SRFBP1: variants seen among roughly 807,000 people sequenced by gnomAD.
The protein encoded by SRFBP1 is serum response factor-binding protein 1.
In SRFBP1, 47 loss-of-function variants were observed where a neutral mutation model predicts 45.5. That is an observed-to-expected ratio of 1.03 (90% CI 0.82 to 1.32). The LOEUF is 1.32. Ranked by LOEUF, SRFBP1 falls within the 40% of genes most tolerant of loss-of-function variation. The pLI, the probability that SRFBP1 is intolerant of heterozygous loss-of-function variation, is 0.00. For synonymous variants in SRFBP1, 203 were observed against 166.3 expected, an observed-to-expected ratio of 1.22 and a Z score of -1.70; for missense variants, 621 against 484.6, an observed-to-expected ratio of 1.28 and a Z score of -2.64.
intron 1 of SRFBP1, among the ~76,000 whole-genome samples, chr5:121,970,672 G>A (rs1416235309): frequency 6.6e-6 from 1 of 151,550 alleles, no homozygotes; most frequent in African/African-American, 2.4e-5. Flanking sequence ...CCTGATTACT[G>A]TGCATTTTTA....
chr5:121,997,368 A>G (rs1049933917), intron 4 of SRFBP1, among the ~76,000 whole-genome samples: 23 of 150,724 alleles, frequency 1.5e-4, no homozygotes, highest in African/African-American at 4.9e-4. Flanking sequence ...CCGCATACCT[A>G]TAACTGTCTG....
At chr5:122,012,971 C>T (rs1348110356) in intron 4 of SRFBP1, among the ~76,000 whole-genome samples, 2 of 152,004 alleles carry the variant, frequency 1.3e-5, no homozygotes, top group East Asian at 3.9e-4. Flanking sequence ...CTAGTGTTGC[C>T]TTCTCCCTAG....
chr5:122,000,954 G>C (rs1752853085), intron 4 of SRFBP1, among the ~76,000 whole-genome samples: 1 of 151,990 alleles, frequency 6.6e-6, no homozygotes. Flanking sequence ...CATTCTCTCT[G>C]CCTTCAGGGG....
intron 1 of SRFBP1, 130 bp downstream of exon 1, chr5:121,962,198 C>G: frequency 8.6e-7 from 1 of 1,162,470 alleles, no homozygotes; most frequent in Non-Finnish European, 1.2e-6. Flanking sequence ...GGCGGGTTTC[C>G]CGCAACTTGG....
At chr5:122,016,653 A>T (rs1325937784) in intron 4 of SRFBP1, among the ~76,000 whole-genome samples, 1 of 152,128 alleles carries the variant, frequency 6.6e-6, no homozygotes, top group African/African-American at 2.4e-5. Context: ...AGCATGTTTG[A>T]CCTATGCCTT....
chr5:122,043,033 G>A (rs567314543), intron 2 of SRFBP1, among the ~76,000 whole-genome samples: 1 of 151,978 alleles, frequency 6.6e-6, no homozygotes, highest in East Asian at 1.9e-4. Context: ...ACCAGTTTCT[G>A]TGTTCATCAA....
At chr5:121,965,352 G>T (rs1446066180) in intron 1 of SRFBP1, among the ~76,000 whole-genome samples, 1 of 152,122 alleles carries the variant, frequency 6.6e-6, no homozygotes, top group Non-Finnish European at 1.5e-5. Context: ...AATCCATCTT[G>T]AGTTAATTTT....
At chr5:121,963,647 C>T (rs550359098) in intron 1 of SRFBP1, among the ~76,000 whole-genome samples, 2 of 152,226 alleles carry the variant, frequency 1.3e-5, no homozygotes, top group African/African-American at 4.8e-5. Flanking sequence ...ATTGCTTTCT[C>T]CTCTGGAAAC....
chr5:121,962,188 G>A, intron 1 of SRFBP1, 120 bp downstream of exon 1: 1 of 1,303,852 alleles, frequency 7.7e-7, no homozygotes, highest in Non-Finnish European at 1.1e-6. Context: ...GGTGGGCCCA[G>A]GCGGGTTTCC....
chr5:121,976,509 T>C (rs115182739), intron 3 of SRFBP1, among the ~76,000 whole-genome samples: 3,827 of 151,960 alleles, frequency 0.025, 169 homozygotes, highest in African/African-American at 0.087. Flanking sequence ...AATAAAATCT[T>C]TAGAGATTTT....
At chr5:122,008,131 A>G (rs751151575) in intron 4 of SRFBP1, among the ~76,000 whole-genome samples, 3 of 151,956 alleles carry the variant, frequency 2.0e-5, no homozygotes, top group Non-Finnish European at 4.4e-5. Flanking sequence ...CTAAATGCTG[A>G]GACCACAAGT....
chr5:122,051,289 G>A (rs1375251363), intron 2 of SRFBP1, among the ~76,000 whole-genome samples: 1 of 152,094 alleles, frequency 6.6e-6, no homozygotes, highest in Non-Finnish European at 1.5e-5. Flanking sequence ...CAAGTGTTAA[G>A]TTCAGGCCCT....
intron 1 of SRFBP1, among the ~76,000 whole-genome samples, chr5:121,963,816 A>C (rs1411872518): frequency 1.3e-5 from 2 of 152,218 alleles, no homozygotes; most frequent in African/African-American, 4.8e-5. Flanking sequence ...AAGGACAGAA[A>C]AAAGTGGAGA....
At position 122,009,862 on chromosome 5, in the gene SRFBP1, A is replaced by G. The variant is rs529785054; in HGVS notation, c.271-9398A>G. Among the ~76,000 whole-genome samples, 8 of 152,276 alleles carry G rather than the reference A, an allele frequency of 5.3e-5. No individual in the cohort carries two copies. The South Asian group carries it at 1.7e-3, about 32-fold the overall frequency. On this transcript the variant is annotated intron_variant, in intron 4 of 7. Transcript: ENST00000339397. Reference sequence around the variant, plus strand: ...TGTCTTTGGAATTTTTGCTTTCTATATGTCGTCAATCTTTTCCATTTTTCT... The same window carrying G: ...TGTCTTTGGAATTTTTGCTTTCTATGTGTCGTCAATCTTTTCCATTTTTCT...
intron 2 of SRFBP1, chr5:122,074,197 T>A (rs189588269): frequency 6.2e-7 from 1 of 1,604,126 alleles, no homozygotes; most frequent in African/African-American, 1.3e-5. Context: ...AAAAAGATGG[T>A]GGTCAGTTAC....
chr5:122,055,958 C>T (rs867345499), intron 2 of SRFBP1, among the ~76,000 whole-genome samples: 8 of 152,050 alleles, frequency 5.3e-5, no homozygotes, highest in Middle Eastern at 3.4e-3. Context: ...TTGTTTATGC[C>T]TTCATCTTTA....
In SRFBP1 at chr5:122,027,083, A is replaced by G; in HGVS notation, c.1247A>G (p.Asn416Ser). 1.2e-6 allele frequency: 2 copies of G among 1,612,142 alleles called. No homozygotes were observed. The highest frequency in any genetic ancestry group is 8.5e-7 in the Non-Finnish European group (1 of 1,179,468). ...AGAAGGCGAAAAGAACAGCAATCTA[A>G]TATTGCTGTGTTTCAGGGGAAAAAA... is the stretch of plus-strand genomic sequence containing the variant. ...ASRRRKEQQS[N>S]IAVFQGKKIT... Residue 416 changes from asparagine (N) to serine (S), a missense_variant, in exon 8 of 8, where the codon AAT (asparagine) becomes AGT (serine). Asn to Ser is a conservative substitution (Grantham distance 46). Transcript: ENST00000339397.
downstream of SRFBP1, chr5:122,077,644 A>G (rs752720190): frequency 1.9e-6 from 3 of 1,610,214 alleles, no homozygotes; most frequent in Non-Finnish European, 1.7e-6. This position sits in a 1 kb window ranked among gnomAD's most constrained non-coding sequence, Gnocchi z 4.9. Flanking sequence ...TGGGGCGGCC[A>G]GCGGTGACTC....
At chr5:121,975,233 AGAAAT>A in intron 2 of SRFBP1, 77 bp from the exon 3 acceptor site, 1 of 1,402,388 alleles carries the variant, frequency 7.1e-7, no homozygotes. Context: ...TTTTCTAAAA[AGAAAT>A]GAAGTGATTA....
Sources: gnomAD v4.1 joint callset for allele counts (sites outside exome capture counted in the v4.1 genomes callset) on GRCh38, gnomAD v4.1.1 for gene constraint, Gnocchi (gnomAD v3.1) non-coding constraint, MANE v1.5 for transcripts, NCBI Gene and HGNC (gene_info 2026-07-23, HGNC 2026-07-21) for gene names.